The following ANO7 variants were observed in gnomAD, a reference collection of about 807,000 sequenced individuals.
ANO7 encodes the protein anoctamin-7.
In ANO7, 114 loss-of-function variants were observed where a neutral mutation model predicts 115.8. That is an observed-to-expected ratio of 0.98 (90% CI 0.85 to 1.15). ANO7 has a LOEUF of 1.15. ANO7 is among the 50% of genes most tolerant of loss of function. The probability of loss-of-function intolerance (pLI) is 0.00; values close to 1 mark genes in which losing one functional copy is unlikely to be tolerated. For synonymous variants in ANO7, 550 were observed against 498.2 expected, an observed-to-expected ratio of 1.10 and a Z score of -1.38; for missense variants, 1,302 against 1,201.2, an observed-to-expected ratio of 1.08 and a Z score of -1.24.
At chr2:241,214,268 C>T (rs192903980) in intron 17 of ANO7, among the ~76,000 whole-genome samples, 2 of 152,294 alleles carry the variant, frequency 1.3e-5, no homozygotes, top group African/African-American at 2.4e-5. Context: ...CTCAGGGCTA[C>T]GCGGGCTTAG....
downstream of ANO7, chr2:241,227,819 C>T (rs1276351425): frequency 6.6e-6 from 1 of 150,680 alleles, no homozygotes; most frequent in East Asian, 1.9e-4. Flanking sequence ...AGGTGACAGC[C>T]CTTCCCCACT....
downstream of ANO7, chr2:241,228,706 C>G (rs928798097): frequency 6.5e-5 from 10 of 153,050 alleles, no homozygotes; most frequent in African/African-American, 2.2e-4. Context: ...AAGAAGGCAA[C>G]TGAACACACA....
Position 241,210,481 on chromosome 2 carries a change from C to T in ANO7, c.1472C>T (p.Ala491Val). The T allele has an allele frequency of 1.2e-6, 2 of 1,614,076 alleles. No individual in the cohort carries two copies. Among genetic ancestry groups the T allele is most frequent in the Non-Finnish European group, 1.7e-6 (2 of 1,180,000 alleles). ...GTCTCCCGTTAGGCCTCTCGCATCGCCAGCCTCACGGGGTCTGTAGTGAAC... is the reference window on the plus strand; with the variant it reads ...GTCTCCCGTTAGGCCTCTCGCATCGTCAGCCTCACGGGGTCTGTAGTGAAC... The part of the protein sequence containing the change: ...TLLAAWASRI[A>V]SLTGSVVNLV... The change falls in exon 15 of 25, where the codon GCC becomes GTC. Residue 491 changes from alanine (A) to valine (V), a missense_variant. Transcript: ENST00000674324.
the ANO7 span, chr2:241,238,547 A>T: frequency 1.0e-6 from 1 of 955,820 alleles, no homozygotes; most frequent in Non-Finnish European, 1.5e-6. This position sits in a 1 kb window ranked among gnomAD's most constrained non-coding sequence, Gnocchi z 4.9. Context: ...ATGGTTTTCC[A>T]GCAGAGACAG....
intron 4 of ANO7, among the ~76,000 whole-genome samples, chr2:241,197,560 G>C (rs2068374238): frequency 1.3e-5 from 2 of 150,686 alleles, no homozygotes; most frequent in Admixed American, 1.3e-4. Context: ...CTAATTTTTT[G>C]TAGAGATGAG....
At chr2:241,192,093 T>A (rs1196660758) in intron 3 of ANO7, among the ~76,000 whole-genome samples, 1 of 152,114 alleles carries the variant, frequency 6.6e-6, no homozygotes, top group African/African-American at 2.4e-5. Context: ...TCCCAGCACT[T>A]TGGGAGGCCA....
chr2:241,230,737 A>G (rs1362110181), downstream of ANO7: 1 of 1,610,654 alleles, frequency 6.2e-7, no homozygotes, highest in African/African-American at 1.3e-5. This position sits in a 1 kb window ranked among gnomAD's most constrained non-coding sequence, Gnocchi z 5.0. Context: ...ATTCTCACCC[A>G]CTGTGCTTCC....
chr2:241,215,732 C>T (rs968780576), intron 18 of ANO7, among the ~76,000 whole-genome samples: 8 of 152,226 alleles, frequency 5.3e-5, no homozygotes, highest in Non-Finnish European at 1.2e-4. Flanking sequence ...CATCTGCTTT[C>T]CCTGGGACAC....
chr2:241,222,034 A>G (rs982307179), intron 21 of ANO7, among the ~76,000 whole-genome samples: 2 of 151,956 alleles, frequency 1.3e-5, no homozygotes, highest in African/African-American at 4.8e-5. Context: ...GAAGATTGAG[A>G]CCATCCTGGC....
chr2:241,228,281 G>C (rs1475372869), downstream of ANO7: 1 of 152,400 alleles, frequency 6.6e-6, no homozygotes, highest in Non-Finnish European at 1.5e-5. Flanking sequence ...CCAGAGACTA[G>C]GGCCCCGTCC....
chr2:241,223,890 C>A lies in ANO7; in HGVS notation c.2533-15C>A, dbSNP rs370004620. The A allele has an allele frequency of 1.8e-5, 29 of 1,613,930 alleles. No individual in the cohort carries two copies. The highest frequency in any genetic ancestry group is 2.3e-5 in the Non-Finnish European group (27 of 1,180,012). ...TCACATCCCTCTTCCTCTTGCTGCC[C>A]TTTTTTGGGGACAGGTTCTTTTTGG... On this transcript the variant is annotated splice_polypyrimidine_tract_variant and intron_variant, in intron 23 of 24. Coordinates refer to ENST00000674324, the MANE Select transcript of ANO7 (RefSeq NM_001370694.2).
intron 6 of ANO7, among the ~76,000 whole-genome samples, chr2:241,200,770 C>T (rs1270983403): frequency 6.6e-6 from 1 of 152,268 alleles, no homozygotes; most frequent in Non-Finnish European, 1.5e-5. Context: ...CTTTCTGCCA[C>T]ACGGGATGCC....
chr2:241,223,741 G>T lies in ANO7; in HGVS notation c.2492G>T (p.Arg831Leu). ...IPESVEIKVK[R>L]EYYLAKQALA... is the part of the protein sequence containing the mutation. Reference sequence around the variant, plus strand: ...GAGTCTGTGGAGATCAAAGTGAAGCGGGAGTACTACCTGGCTAAGCAGGCA... The same window carrying T: ...GAGTCTGTGGAGATCAAAGTGAAGCTGGAGTACTACCTGGCTAAGCAGGCA... Residue 831 changes from arginine to leucine, a missense_variant, in exon 23 of 25, where the codon CGG (arginine) becomes CTG (leucine). Coordinates refer to ENST00000674324, the MANE Select transcript of ANO7 (RefSeq NM_001370694.2). 6.2e-7 allele frequency: 1 copy of T among 1,614,184 alleles called. No individual in the cohort carries two copies.
rs566943360 is a variant in ANO7, at chr2:241,218,233, G to T, written c.2179-6G>T. 6 of 1,484,286 alleles carry T rather than the reference G, an allele frequency of 4.0e-6. No homozygotes were observed. In the African/African-American group the frequency reaches 7.3e-5, roughly 18 times the overall value. 91.9% of individuals were successfully genotyped at this position (1,484,286 alleles called of 1,614,324 possible). A position where few individuals can be genotyped will look rare whatever the true frequency, so the allele number is the denominator to read the frequency against. ...GCCGCCTCGCGCTGACCCCTCCGGC[G>T]CCCAGGCCTTCCTCCTGGCCTTCTC... On this transcript the variant is annotated splice_polypyrimidine_tract_variant and splice_region_variant and intron_variant, in intron 20 of 24. Coordinates refer to ENST00000674324, the MANE Select transcript of ANO7 (RefSeq NM_001370694.2).
chr2:241,229,942 C>A (rs1252620242), downstream of ANO7: 1 of 1,602,972 alleles, frequency 6.2e-7, no homozygotes, highest in East Asian at 2.2e-5. Context: ...CAGCGCCTCA[C>A]TGTCCACCAC....
In ANO7 at chr2:241,217,741, C is replaced by G. The variant is rs1283009861; in HGVS notation, c.2028C>G (p.Leu676=). 3 of 1,605,230 alleles carry G rather than the reference C, an allele frequency of 1.9e-6. No homozygotes were observed. Residue 676 remains leucine (L), a synonymous_variant, in exon 20 of 25, where the codon CTC becomes CTG. Coordinates refer to ENST00000674324, the MANE Select transcript of ANO7 (RefSeq NM_001370694.2). The part of the protein sequence containing the change: ...IFVAACPLAP[L]FALLNNWVEI... Reference sequence around the variant, plus strand: ...TGGCCGCCTGTCCGCTCGCGCCGCTCTTCGCCCTGCTCAACAACTGGGTGG... The same window carrying G: ...TGGCCGCCTGTCCGCTCGCGCCGCTGTTCGCCCTGCTCAACAACTGGGTGG...
In ANO7 at chr2:241,204,866, G is replaced by GT; in HGVS notation, c.895dup (p.Tyr299LeufsTer104). 6.2e-7 allele frequency: 1 copy of GT among 1,613,716 alleles called. No individual in the cohort carries two copies. The highest frequency in any genetic ancestry group is 8.5e-7 in the Non-Finnish European group (1 of 1,179,800). ...GGACCCCTGCCATCCTCTCTACAGG[G>GT]TTTTACACAGGCTGGCTCCTGCCAG... On this transcript the variant is annotated frameshift_variant and splice_region_variant, in exon 10 of 25. Transcript: ENST00000674324. LOFTEE classifies it high-confidence loss of function.
chr2:241,234,339 CTG>C, the ANO7 span, among the ~76,000 whole-genome samples: 1 of 152,218 alleles, frequency 6.6e-6, no homozygotes, highest in Non-Finnish European at 1.5e-5. Flanking sequence ...CTTTTTAGGA[CTG>C]GGGCAGATGC....
At chr2:241,215,734 CT>C (rs2149246119) in intron 18 of ANO7, among the ~76,000 whole-genome samples, 1 of 152,366 alleles carries the variant, frequency 6.6e-6, no homozygotes, top group South Asian at 2.1e-4. Flanking sequence ...TCTGCTTTCC[CT>C]GGGACACCAC....
Sources: gnomAD v4.1 joint callset for allele counts (sites outside exome capture counted in the v4.1 genomes callset) on GRCh38, gnomAD v4.1.1 for gene constraint, Gnocchi (gnomAD v3.1) non-coding constraint, MANE v1.5 for transcripts, NCBI Gene and HGNC (gene_info 2026-07-23, HGNC 2026-07-21) for gene names.